The following ATG13 variants were observed in gnomAD, a reference collection of about 807,000 sequenced individuals.
ATG13 encodes autophagy-related protein 13.
Under a neutral mutation model 65.5 loss-of-function variants are expected in ATG13, and 23 were observed. The observed-to-expected ratio is 0.35, with a 90% CI of 0.25 to 0.50. The LOEUF (loss-of-function observed/expected upper bound fraction) is 0.50. Ranked by LOEUF, ATG13 falls within the 20% of genes least tolerant of loss-of-function variation. The pLI is 0.98. For missense variants in ATG13, 566 were observed against 677.0 expected, an observed-to-expected ratio of 0.84 and a Z score of 1.82; for synonymous variants, 252 against 245.2, an observed-to-expected ratio of 1.03 and a Z score of -0.26.
intron 12 of ATG13, 110 bp from the exon 13 acceptor site, chr11:46,664,739 G>A: frequency 3.2e-6 from 3 of 947,590 alleles, no homozygotes; most frequent in Non-Finnish European, 5.0e-6. Context: ...GGGCATGTGG[G>A]CGGGAGCCAT....
At chr11:46,639,196 T>C (rs1269376455) in intron 2 of ATG13, among the ~76,000 whole-genome samples, 2 of 152,090 alleles carry the variant, frequency 1.3e-5, no homozygotes, top group Admixed American at 1.3e-4. Context: ...CTATGTTGGC[T>C]GGGCTGGTCT....
chr11:46,623,285 C>A (rs1182534159), intron 1 of ATG13, among the ~76,000 whole-genome samples: 1 of 151,806 alleles, frequency 6.6e-6, no homozygotes, highest in East Asian at 1.9e-4. Context: ...CAGAGCAAGA[C>A]CCCGTCTCAA....
intron 18 of ATG13, among the ~76,000 whole-genome samples, chr11:46,671,562 C>G (rs1473466563): frequency 6.6e-6 from 1 of 152,068 alleles, no homozygotes; most frequent in South Asian, 2.1e-4. Flanking sequence ...ATGGTGAAAC[C>G]CTGTCTCTAC....
chr11:46,668,320 A>AT (rs2062856057), intron 15 of ATG13, among the ~76,000 whole-genome samples, 179 bp from the exon 16 acceptor site: 1 of 152,118 alleles, frequency 6.6e-6, no homozygotes, highest in Admixed American at 6.5e-5. Context: ...GGTGTATGTG[A>AT]TGGGGGACAG....
In ATG13 at chr11:46,665,426, A is replaced by T. The variant is rs747544098; in HGVS notation, c.1043A>T (p.Asn348Ile). 4 of 1,614,090 alleles carry T rather than the reference A, an allele frequency of 2.5e-6. No homozygotes were observed. In the South Asian group the frequency reaches 4.4e-5, roughly 18 times the overall value. Reference protein sequence around the residue: ...GKEGGVPLAPNQPVHGTQADQ... With the variant: ...GKEGGVPLAPIQPVHGTQADQ... Reference sequence around the variant, plus strand: ...GAAGGTGGGGTACCCCTTGCTCCCAACCAGCCTGTCCATGGTACCCAGGCT... The same window carrying T: ...GAAGGTGGGGTACCCCTTGCTCCCATCCAGCCTGTCCATGGTACCCAGGCT... The change falls in exon 14 of 19, where the codon AAC becomes ATC. Residue 348 changes from asparagine to isoleucine, a missense_variant. Transcript: ENST00000683050.
chr11:46,654,283 TTATATA>T (rs376147806), intron 7 of ATG13, among the ~76,000 whole-genome samples: 11 of 122,310 alleles, frequency 9.0e-5, no homozygotes, highest in East Asian at 2.3e-4. Context: ...TTTTAAAATT[TTATATA>T]TATATATATA....
Position 46,644,358 on chromosome 11 carries a change from A to G in ATG13, c.67A>G (p.Lys23Glu), listed in dbSNP as rs1274241166. The G allele has an allele frequency of 6.2e-7, 1 of 1,606,376 alleles. No individual in the cohort carries two copies. The highest frequency in any genetic ancestry group is 8.5e-7 in the Non-Finnish European group (1 of 1,176,724). Residue 23 changes from lysine (K) to glutamate (E), a missense_variant and splice_region_variant, in exon 3 of 19, where the codon AAG (lysine) becomes GAG (glutamate). Physicochemically the swap from Lys to Glu is moderately conservative, Grantham distance 56. Around this residue, in one of 2 missense-constraint regions of ATG13, gnomAD observed 179 missense variants for 267.2 expected, o/e 0.67. Transcript: ENST00000683050. ...CAAGTTTATTAAATTTTTTGCCCTC[A>G]AGGTAATGTGTCCATTCTCTTGAGC... ...LDKFIKFFAL[K>E]TVQVIVQARL... is the part of the protein sequence containing the mutation.
chr11:46,662,150 C>T (rs1352838293), intron 11 of ATG13, among the ~76,000 whole-genome samples: 1 of 152,170 alleles, frequency 6.6e-6, no homozygotes, highest in Non-Finnish European at 1.5e-5. Flanking sequence ...TCCTAGTGCA[C>T]ATTAATAGAA....
chr11:46,652,534 G>A (rs920639616), intron 7 of ATG13, among the ~76,000 whole-genome samples: 1 of 152,100 alleles, frequency 6.6e-6, no homozygotes, highest in Non-Finnish European at 1.5e-5. Flanking sequence ...GGGCAACATA[G>A]TGATACCTTG....
chr11:46,640,764 G>A (rs1399605708), intron 2 of ATG13, among the ~76,000 whole-genome samples: 1 of 152,212 alleles, frequency 6.6e-6, no homozygotes, highest in Non-Finnish European at 1.5e-5. Context: ...CAGATTAGAT[G>A]AGATACTACC....
intron 1 of ATG13, among the ~76,000 whole-genome samples, chr11:46,623,979 G>T (rs1410640111): frequency 1.3e-5 from 2 of 149,564 alleles, no homozygotes; most frequent in East Asian, 3.9e-4. Flanking sequence ...ATAAGAATGT[G>T]GACCAAAATG....
chr11:46,634,806 AT>A (rs1236462949), intron 2 of ATG13, among the ~76,000 whole-genome samples: 2 of 151,708 alleles, frequency 1.3e-5, no homozygotes, highest in East Asian at 1.9e-4. Context: ...GGTTCAAATG[AT>A]TCTCCTGCCT....
chr11:46,622,124 TA>T (rs1309177474), intron 1 of ATG13, among the ~76,000 whole-genome samples: 142 of 104,890 alleles, frequency 1.4e-3, no homozygotes, highest in Middle Eastern at 4.8e-3. Context: ...TATATATATA[TA>T]TATTTATTTT....
chr11:46,654,283 TTATATATA>T (rs376147806), intron 7 of ATG13, among the ~76,000 whole-genome samples: 10 of 122,316 alleles, frequency 8.2e-5, no homozygotes, highest in South Asian at 2.6e-4. Flanking sequence ...TTTTAAAATT[TTATATATA>T]TATATATATA....
intron 2 of ATG13, among the ~76,000 whole-genome samples, chr11:46,635,811 G>T (rs2053738562): frequency 6.6e-6 from 1 of 152,150 alleles, no homozygotes; most frequent in African/African-American, 2.4e-5. Flanking sequence ...AATGCTACCA[G>T]TTGTACAAAA....
chr11:46,653,458 GCCA>G, intron 7 of ATG13, among the ~76,000 whole-genome samples: 1 of 152,022 alleles, frequency 6.6e-6, no homozygotes, highest in South Asian at 2.1e-4. Flanking sequence ...ACAGGCGTGA[GCCA>G]CCATGTCCAG....
At chr11:46,659,275 G>T in intron 10 of ATG13, 117 bp from the exon 11 acceptor site, 3 of 746,502 alleles carry the variant, frequency 4.0e-6, no homozygotes, top group South Asian at 1.7e-5. Flanking sequence ...TTGCCAGTAC[G>T]AACTGTGTGA....
chr11:46,670,226 T>C (rs556754457), intron 18 of ATG13, among the ~76,000 whole-genome samples: 3 of 152,286 alleles, frequency 2.0e-5, no homozygotes, highest in East Asian at 1.9e-4. Context: ...CTCACGCCTG[T>C]AATCCCAGCA....
At chr11:46,624,466 T>G (rs761730910) in intron 1 of ATG13, among the ~76,000 whole-genome samples, 1 of 152,062 alleles carries the variant, frequency 6.6e-6, no homozygotes, top group African/African-American at 2.4e-5. Context: ...TTATTCTCCT[T>G]TAATCTAAAA....
Sources: gnomAD v4.1 joint callset for allele counts (sites outside exome capture counted in the v4.1 genomes callset) on GRCh38, gnomAD v4.1.1 for gene constraint, gnomAD v4.1.1 regional missense constraint, MANE v1.5 for transcripts, NCBI Gene and HGNC (gene_info 2026-07-23, HGNC 2026-07-21) for gene names.